The following ST8SIA1 variants were observed in gnomAD, a reference collection of about 807,000 sequenced individuals.
ST8SIA1 encodes the protein ST8 alpha-N-acetyl-neuraminide alpha-2,8-sialyltransferase 1.
ST8SIA1 carries 16 observed loss-of-function variants against 35.9 expected under a neutral mutation model. The ratio of observed to expected loss-of-function variants is 0.45; its 90% confidence interval spans 0.30 to 0.68. The LOEUF is 0.68. Ranked by LOEUF, ST8SIA1 falls within the 30% of genes least tolerant of loss-of-function variation. The probability of loss-of-function intolerance (pLI) is 0.09; values close to 1 mark genes in which losing one functional copy is unlikely to be tolerated. For synonymous variants in ST8SIA1, 170 were observed against 169.6 expected, an observed-to-expected ratio of 1.00 and a Z score of -0.02; for missense variants, 383 against 453.6, an observed-to-expected ratio of 0.84 and a Z score of 1.41.
At chr12:22,238,079 G>C (rs988837663) in intron 4 of ST8SIA1, among the ~76,000 whole-genome samples, 1 of 152,006 alleles carries the variant, frequency 6.6e-6, no homozygotes, top group East Asian at 1.9e-4. Flanking sequence ...GTGACCCAAG[G>C]GCAGACTGTG....
chr12:22,259,525 G>A (rs893838960), intron 2 of ST8SIA1, among the ~76,000 whole-genome samples: 2 of 151,798 alleles, frequency 1.3e-5, no homozygotes, highest in Non-Finnish European at 2.9e-5. Flanking sequence ...GAATGCAGTG[G>A]CGCGATCTGG....
intron 4 of ST8SIA1, among the ~76,000 whole-genome samples, chr12:22,212,747 T>C (rs1225041763): frequency 2.6e-5 from 4 of 152,188 alleles, no homozygotes; most frequent in Non-Finnish European, 1.5e-5. Context: ...AGGATGATAA[T>C]AGTCCCTTTC....
intron 1 of ST8SIA1, among the ~76,000 whole-genome samples, chr12:22,318,080 T>C (rs1163457016): frequency 6.6e-6 from 1 of 152,216 alleles, no homozygotes; most frequent in Non-Finnish European, 1.5e-5. Flanking sequence ...AATGTTAACA[T>C]TATTTATCTC....
At chr12:22,287,814 G>A (rs1866121041) in intron 1 of ST8SIA1, among the ~76,000 whole-genome samples, 1 of 152,194 alleles carries the variant, frequency 6.6e-6, no homozygotes, top group South Asian at 2.1e-4. Context: ...ACAAGATAGA[G>A]AACAATCCCT....
intron 2 of ST8SIA1, among the ~76,000 whole-genome samples, chr12:22,281,819 C>CAAAAA (rs11423875): frequency 6.8e-5 from 7 of 102,958 alleles, no homozygotes; most frequent in South Asian, 3.3e-4. Context: ...CTTGTCTCTA[C>CAAAAA]AAAAAAAAAA....
At chr12:22,317,747 T>A (rs1866538641) in intron 1 of ST8SIA1, among the ~76,000 whole-genome samples, 1 of 152,168 alleles carries the variant, frequency 6.6e-6, no homozygotes, top group South Asian at 2.1e-4. Flanking sequence ...CCTATTCTAT[T>A]CTAGTAGTGA....
intron 2 of ST8SIA1, among the ~76,000 whole-genome samples, chr12:22,265,553 C>T (rs1428448173): frequency 6.6e-6 from 1 of 152,170 alleles, no homozygotes; most frequent in Non-Finnish European, 1.5e-5. Context: ...AACAACTGTA[C>T]TGACTTCTTA....
At chr12:22,288,945 G>C (rs1866140755) in intron 1 of ST8SIA1, among the ~76,000 whole-genome samples, 3 of 152,218 alleles carry the variant, frequency 2.0e-5, no homozygotes, top group South Asian at 4.1e-4. Flanking sequence ...GCCCAGGCTG[G>C]AATGCAGTCA....
intron 4 of ST8SIA1, among the ~76,000 whole-genome samples, chr12:22,246,408 T>A (rs1865602528): frequency 6.6e-6 from 1 of 152,168 alleles, no homozygotes; most frequent in African/African-American, 2.4e-5. Context: ...TCAGAGGGTG[T>A]GATGGTGCAA....
At chr12:22,330,267 C>T (rs1401773989) in intron 1 of ST8SIA1, among the ~76,000 whole-genome samples, 3 of 152,220 alleles carry the variant, frequency 2.0e-5, no homozygotes, top group Non-Finnish European at 1.5e-5. Flanking sequence ...ACATCCCCAG[C>T]ACTTCACTGG....
At chr12:22,298,562 T>A (rs1043863616) in intron 1 of ST8SIA1, among the ~76,000 whole-genome samples, 1 of 152,242 alleles carries the variant, frequency 6.6e-6, no homozygotes, top group Non-Finnish European at 1.5e-5. Flanking sequence ...CTACTCTCAA[T>A]ATTCTTTCTC....
intron 4 of ST8SIA1, among the ~76,000 whole-genome samples, chr12:22,243,371 T>A (rs1260793094): frequency 6.6e-6 from 1 of 151,924 alleles, no homozygotes. Flanking sequence ...GAGATATGAA[T>A]AAAATATCTA....
intron 4 of ST8SIA1, among the ~76,000 whole-genome samples, chr12:22,219,773 C>T (rs982975889): frequency 1.8e-4 from 28 of 152,084 alleles, no homozygotes; most frequent in African/African-American, 4.6e-4. Context: ...GCAATGACTA[C>T]GTTAGGAGGC....
At chr12:22,314,239 C>T (rs1866487471) in intron 1 of ST8SIA1, among the ~76,000 whole-genome samples, 1 of 152,156 alleles carries the variant, frequency 6.6e-6, no homozygotes. Flanking sequence ...TACTACCCTT[C>T]ACGGTATGTT....
intron 2 of ST8SIA1, among the ~76,000 whole-genome samples, chr12:22,259,921 A>G (rs1865769679): frequency 6.6e-6 from 1 of 152,170 alleles, no homozygotes; most frequent in African/African-American, 2.4e-5. Context: ...TATAGAAAGA[A>G]GTTTGGTCAT....
chr12:22,324,552 G>A (rs1866649471), intron 1 of ST8SIA1: 2 of 152,116 alleles, frequency 1.3e-5, no homozygotes, highest in African/African-American at 4.8e-5. Context: ...GCAATGTACT[G>A]TTGAATTCAT....
intron 2 of ST8SIA1, among the ~76,000 whole-genome samples, chr12:22,279,894 A>G (rs1275165859): frequency 2.6e-5 from 4 of 152,224 alleles, no homozygotes; most frequent in Non-Finnish European, 5.9e-5. Flanking sequence ...TAGTCAGGCC[A>G]TAAGTGATTA....
intron 4 of ST8SIA1, among the ~76,000 whole-genome samples, chr12:22,227,682 A>AAACT (rs1260698081): frequency 6.6e-6 from 1 of 152,194 alleles, no homozygotes; most frequent in Non-Finnish European, 1.5e-5. Flanking sequence ...ATAAAGCAAG[A>AAACT]AACTTATTCC....
intron 2 of ST8SIA1, among the ~76,000 whole-genome samples, chr12:22,271,534 C>A (rs923415551): frequency 1.3e-5 from 2 of 152,252 alleles, no homozygotes; most frequent in Non-Finnish European, 2.9e-5. Flanking sequence ...TTAGCCTCAG[C>A]TTCCTCATCT....
Sources: allele counts gnomAD v4.1 joint callset (sites outside exome capture counted in the v4.1 genomes callset), GRCh38; gene constraint gnomAD v4.1.1; transcripts MANE v1.5; gene names NCBI Gene and HGNC (gene_info 2026-07-23, HGNC 2026-07-21).